The following OPA1 variants were observed in gnomAD, a reference collection of about 807,000 sequenced individuals.
OPA1 encodes OPA1 mitochondrial dynamin like GTPase, also known as dynamin-like GTPase OPA1, mitochondrial.
In OPA1, 59 loss-of-function variants were observed where a neutral mutation model predicts 152.9. The observed-to-expected ratio is 0.39, with a 90% CI of 0.31 to 0.48. The LOEUF (loss-of-function observed/expected upper bound fraction) is 0.48, where lower values mean the gene tolerates loss of function less well. OPA1 is among the 20% of genes least tolerant of loss of function. The probability of loss-of-function intolerance (pLI) is 0.96; values close to 1 mark genes in which losing one functional copy is unlikely to be tolerated. For synonymous variants in OPA1, 400 were observed against 389.9 expected (o/e 1.03, Z -0.31); for missense variants, 1,008 against 1,216.8 (o/e 0.83, Z 2.55).
At chr3:193,597,492 A>G (rs1348045287) in intron 1 of OPA1, among the ~76,000 whole-genome samples, 1 of 152,056 alleles carries the variant, frequency 6.6e-6, no homozygotes, top group Non-Finnish European at 1.5e-5. Context: ...GGAGTTCGAG[A>G]CCAGCCTGGC....
Position 193,695,883 on chromosome 3 carries a change from T to G in OPA1, c.*1283T>G, listed in dbSNP as rs767479286. 8 of 152,222 alleles carry G rather than the reference T, an allele frequency of 5.3e-5. No homozygotes were observed. Among genetic ancestry groups the G allele is most frequent in the Non-Finnish European group, 8.8e-5 (6 of 68,028 alleles). 9.4% of individuals were successfully genotyped at this position (152,222 alleles called of 1,614,324 possible). On this transcript the variant is annotated 3_prime_UTR_variant, in exon 31 of 31. Transcript: ENST00000361510. ...CATGCTTCGTTGTGATCCCTCAAGA[T>G]GTAACACTTGGTATGCTCGGTTGAG...
rs976524276 is a variant in OPA1, at chr3:193,696,446, A to G, written c.*1846A>G. On this transcript the variant is annotated 3_prime_UTR_variant, in exon 31 of 31. Transcript: ENST00000361510. The stretch of plus-strand genomic sequence containing the variant: ...TAGATGATAACAATTAATATTACTA[A>G]AAGTCCCACATGAGAGTCCTGACGC... 3 of 152,226 alleles carry G rather than the reference A, an allele frequency of 2.0e-5. No individual in the cohort carries two copies. Among genetic ancestry groups the G allele is most frequent in the Non-Finnish European group, 4.4e-5 (3 of 68,034 alleles). The allele number at this position is 152,226 out of a possible 1,614,324, so 9.4% of individuals were successfully genotyped here.
chr3:193,661,069 ACT>A (rs1363605290), intron 25 of OPA1, among the ~76,000 whole-genome samples: 1 of 152,166 alleles, frequency 6.6e-6, no homozygotes, highest in East Asian at 1.9e-4. Context: ...TTGGCCAAAC[ACT>A]CTCTGAAAGA....
chr3:193,661,232 T>A (rs1715194559), intron 25 of OPA1, among the ~76,000 whole-genome samples: 1 of 152,138 alleles, frequency 6.6e-6, no homozygotes, highest in Admixed American at 6.6e-5. Flanking sequence ...AAGAGCCTTC[T>A]CCCCACAGGA....
At position 193,654,842 on chromosome 3, in the gene OPA1, T is replaced by C; in HGVS notation, c.2013-20T>C. ...AATATTATATTTAGATTTGGTGCTTTTGATACTTTTTTATTTCAGGGAGGA... is the reference window on the plus strand; with the variant it reads ...AATATTATATTTAGATTTGGTGCTTCTGATACTTTTTTATTTCAGGGAGGA... On this transcript the variant is annotated intron_variant, in intron 21 of 30. Transcript: ENST00000361510. 1 of 1,611,956 alleles carries C rather than the reference T, an allele frequency of 6.2e-7. No individual in the cohort carries two copies. Among genetic ancestry groups the C allele is most frequent in the East Asian group, 2.2e-5 (1 of 44,732 alleles).
intron 29 of OPA1, among the ~76,000 whole-genome samples, chr3:193,667,926 C>CT (rs1387293747): frequency 2.0e-5 from 3 of 151,998 alleles, no homozygotes; most frequent in African/African-American, 4.8e-5. Flanking sequence ...ACCCAGCTTC[C>CT]TTTTTTTGAA....
intron 29 of OPA1, among the ~76,000 whole-genome samples, chr3:193,676,520 A>G (rs34390712): frequency 0.18 from 27,979 of 152,220 alleles, 3,135 homozygotes; most frequent in Non-Finnish European, 0.25. Context: ...AGATAAAGTA[A>G]TCCTCAAGGA....
intron 7 of OPA1, among the ~76,000 whole-genome samples, chr3:193,626,946 A>G (rs1188525505): frequency 6.6e-6 from 1 of 152,168 alleles, no homozygotes; most frequent in Non-Finnish European, 1.5e-5. Flanking sequence ...GGAGATCCCA[A>G]AGTTCATGTT....
At chr3:193,671,829 G>A (rs1297939698) in intron 29 of OPA1, among the ~76,000 whole-genome samples, 1 of 152,188 alleles carries the variant, frequency 6.6e-6, no homozygotes, top group Admixed American at 6.5e-5. Context: ...GTACTTTAGA[G>A]GAAATGAGAC....
At chr3:193,637,363 TACAC>T in intron 10 of OPA1, 82 bp downstream of exon 10, 19 of 791,406 alleles carry the variant, frequency 2.4e-5, no homozygotes, top group Non-Finnish European at 3.6e-5. Flanking sequence ...TGTATATATG[TACAC>T]ATACACATAT....
chr3:193,647,757 A>G (rs1210659088), intron 19 of OPA1, among the ~76,000 whole-genome samples: 1 of 152,202 alleles, frequency 6.6e-6, no homozygotes, highest in African/African-American at 2.4e-5. Context: ...GTCACACAAC[A>G]TGGGTAATAG....
intron 29 of OPA1, chr3:193,668,319 G>C (rs1717107423): frequency 6.5e-7 from 1 of 1,549,468 alleles, no homozygotes; most frequent in East Asian, 2.4e-5. Context: ...TTGCAGAAAT[G>C]TTCTTTTTCC....
At chr3:193,593,436 G>A (rs866737926) in intron 1 of OPA1, 27 bp downstream of exon 1, 4 of 1,515,862 alleles carry the variant, frequency 2.6e-6, no homozygotes, top group East Asian at 2.6e-5. Context: ...ATCTGGCCCC[G>A]TTAATTCTGG....
intron 7 of OPA1, among the ~76,000 whole-genome samples, chr3:193,629,721 T>A (rs1194421278): frequency 6.6e-6 from 1 of 152,200 alleles, no homozygotes; most frequent in Non-Finnish European, 1.5e-5. Context: ...TCATTTTAAC[T>A]TTTTATATAA....
chr3:193,612,379 C>G (rs959765670), intron 1 of OPA1, among the ~76,000 whole-genome samples: 6 of 150,768 alleles, frequency 4.0e-5, no homozygotes, highest in Admixed American at 6.6e-5. Context: ...AGGAACAGTC[C>G]GAGTTAGATC....
intron 8 of OPA1, chr3:193,631,893 A>G: frequency 1.7e-6 from 1 of 577,650 alleles, no homozygotes; most frequent in Non-Finnish European, 3.1e-6. Context: ...TTTTGAGTGA[A>G]TCTTATGCCC....
At chr3:193,637,851 A>G in intron 10 of OPA1, 101 bp from the exon 11 acceptor site, 2 of 966,962 alleles carry the variant, frequency 2.1e-6, no homozygotes, top group Non-Finnish European at 3.3e-6. Flanking sequence ...ACCTGTAGAA[A>G]TTTTAAAAGA....
At position 193,643,328 on chromosome 3, in the gene OPA1, C is replaced by T. The variant is rs201454727; in HGVS notation, c.1306-45C>T. On this transcript the variant is annotated intron_variant, in intron 13 of 30. Transcript: ENST00000361510. ...CACCAAAAAAAATTCTTGACAAATT[C>T]CCCCCAAACTTTAGCATTGTTTTAT... 735 of 1,473,490 alleles carry T rather than the reference C, an allele frequency of 5.0e-4. 8 individuals carry two copies. Among genetic ancestry groups the T allele is most frequent in the South Asian group, 6.9e-4 (60 of 87,496 alleles). The allele number at this position is 1,473,490 out of a possible 1,614,324, so 91.3% of individuals were successfully genotyped here.
chr3:193,665,139 C>A, intron 27 of OPA1, 143 bp downstream of exon 27: 1 of 617,094 alleles, frequency 1.6e-6, no homozygotes, highest in Non-Finnish European at 2.9e-6. Flanking sequence ...AAAGAATAAT[C>A]TAACTCTTAT....
Sources: gnomAD v4.1 joint callset for allele counts (sites outside exome capture counted in the v4.1 genomes callset) on GRCh38, gnomAD v4.1.1 for gene constraint, MANE v1.5 for transcripts, NCBI Gene and HGNC (gene_info 2026-07-23, HGNC 2026-07-21) for gene names.